FLOT1: variants seen among roughly 807,000 people sequenced by gnomAD.
FLOT1 encodes flotillin 1, also known as flotillin-1.
In FLOT1, 40 loss-of-function variants were observed where a neutral mutation model predicts 58.4. The ratio of observed to expected loss-of-function variants is 0.69; its 90% CI spans 0.53 to 0.89. The LOEUF (loss-of-function observed/expected upper bound fraction) is 0.89. FLOT1 is among the 40% of genes least tolerant of loss of function. FLOT1 has a pLI of 0.00. For missense variants in FLOT1, 423 were observed against 540.8 expected, an observed-to-expected ratio of 0.78 and a Z score of 2.16; for synonymous variants, 178 against 204.2, an observed-to-expected ratio of 0.87 and a Z score of 1.09.
In FLOT1 at chr6:30,740,183, T is replaced by C; in HGVS notation, c.698A>G (p.Gln233Arg). 6.2e-7 allele frequency: 1 copy of C among 1,613,084 alleles called. No individual in the cohort carries two copies. The highest frequency in any genetic ancestry group is 8.5e-7 in the Non-Finnish European group (1 of 1,180,036). Reference sequence around the variant, plus strand: ...CTGAAGCTGATAGGCCAGGTCAGCCTGTGCTCGGCGGGTGTTGACCTCGAT... The same window carrying C: ...CTGAAGCTGATAGGCCAGGTCAGCCCGTGCTCGGCGGGTGTTGACCTCGAT... ...YDIEVNTRRA[Q>R]ADLAYQLQVA... Residue 233 changes from glutamine to arginine, a missense_variant, in exon 8 of 13, where the codon CAG becomes CGG. Gln to Arg is a conservative substitution (Grantham distance 43, BLOSUM62 1). This residue lies in a region of FLOT1 where 137 missense variants were observed against 194.6 expected (regional missense o/e 0.70). Coordinates refer to ENST00000376389, the MANE Select transcript of FLOT1 (RefSeq NM_005803.4).
Position 30,741,768 on chromosome 6 carries a change from T to C in FLOT1, c.119+24A>G. The C allele has an allele frequency of 1.2e-6, 2 of 1,612,102 alleles. No homozygotes were observed. Among genetic ancestry groups the C allele is most frequent in the South Asian group, 1.1e-5 (1 of 91,062 alleles). The stretch of plus-strand genomic sequence containing the variant: ...GAAAAAGAGAAAACGGAGGTCCCCC[T>C]TCCCTGGTTCCCTTCTTGCCTACCT... On this transcript the variant is annotated intron_variant, in intron 3 of 12. Transcript: ENST00000376389. This position sits in a 1 kb window ranked among gnomAD's most constrained non-coding sequence, Gnocchi z 5.9.
At position 30,741,489 on chromosome 6, in the gene FLOT1, G is replaced by A. The variant is rs1777975569; in HGVS notation, c.210+125C>T. 6 of 1,239,078 alleles carry A rather than the reference G, an allele frequency of 4.8e-6. No homozygotes were observed. Among genetic ancestry groups the A allele is most frequent in the Admixed American group, 3.7e-5 (2 of 54,370 alleles). The allele number at this position is 1,239,078 out of a possible 1,614,324, so 76.8% of individuals were successfully genotyped here. The stretch of plus-strand genomic sequence containing the variant: ...GTGCCTTGGGGTGCCTGGAAAAGAT[G>A]AGACTAGCAGAGGAACTTCTCTGCA... On this transcript the variant is annotated intron_variant, in intron 4 of 12. Transcript: ENST00000376389. This position sits in a 1 kb window ranked among gnomAD's most constrained non-coding sequence, Gnocchi z 5.9.
rs1202015753 is a variant in FLOT1, at chr6:30,730,408, T to TGC, written c.1089+18_1089+19dup. The TGC allele has an allele frequency of 6.5e-7, 1 of 1,544,740 alleles. No individual in the cohort carries two copies. Among genetic ancestry groups the TGC allele is most frequent in the Admixed American group, 2.0e-5 (1 of 49,964 alleles). On this transcript the variant is annotated intron_variant, in intron 11 of 12. Coordinates refer to ENST00000376389, the MANE Select transcript of FLOT1 (RefSeq NM_005803.4). ...CTGGTTCTATTTCCTCCTTTCTTGG[T>TGC]GCCCACATGACCTCCAGACCTGGGG... is the stretch of plus-strand genomic sequence containing the variant.
chr6:30,740,662 C>G lies in FLOT1; in HGVS notation c.474+17G>C. 6.2e-7 allele frequency: 1 copy of G among 1,612,950 alleles called. No individual in the cohort carries two copies. The highest frequency in any genetic ancestry group is 8.5e-7 in the Non-Finnish European group (1 of 1,180,018). On this transcript the variant is annotated intron_variant, in intron 6 of 12. Transcript: ENST00000376389. The stretch of plus-strand genomic sequence containing the variant: ...TGGGAGCAAGGAAGTGGGGAAGGAT[C>G]AATTGCCTAGTTTTACCTGGTCATC...
intron 12 of FLOT1, among the ~76,000 whole-genome samples, chr6:30,729,007 T>C (rs1329877443): frequency 6.6e-6 from 1 of 151,522 alleles, no homozygotes; most frequent in Non-Finnish European, 1.5e-5. Flanking sequence ...CTCAATCTCC[T>C]GACCTCGTGA....
intron 8 of FLOT1, among the ~76,000 whole-genome samples, chr6:30,734,435 A>G (rs1777424038): frequency 6.6e-6 from 1 of 151,066 alleles, no homozygotes; most frequent in Admixed American, 6.6e-5. Flanking sequence ...CAGCCTCCCG[A>G]GTAGCTGGGA....
chr6:30,727,927 T>C lies in FLOT1; in HGVS notation c.*189A>G, dbSNP rs1009760172. ...ATGGGACCGCTGGAGTTGGCAATCA[T>C]AGCAGTGTGAGGTTGGCAAGGGGAG... is the stretch of plus-strand genomic sequence containing the variant. On this transcript the variant is annotated 3_prime_UTR_variant, in exon 13 of 13. Coordinates refer to ENST00000376389, the MANE Select transcript of FLOT1 (RefSeq NM_005803.4). 6 of 646,518 alleles carry C rather than the reference T, an allele frequency of 9.3e-6. No individual in the cohort carries two copies. The highest frequency in any genetic ancestry group is 1.7e-5 in the Non-Finnish European group (6 of 354,630). The allele number at this position is 646,518 out of a possible 1,614,324, so 40.0% of individuals were successfully genotyped here. A position where few individuals can be genotyped will look rare whatever the true frequency, so the allele number is the denominator to read the frequency against.
chr6:30,739,795 G>A (rs1052155801), intron 8 of FLOT1, among the ~76,000 whole-genome samples: 1 of 152,130 alleles, frequency 6.6e-6, no homozygotes, highest in African/African-American at 2.4e-5. Flanking sequence ...CCAAGTAGCT[G>A]TGACTACAGG....
chr6:30,728,136 T>G lies in FLOT1; in HGVS notation c.1264A>C (p.Lys422Gln), dbSNP rs1207081385. The G allele has an allele frequency of 1.4e-5, 23 of 1,612,868 alleles. No homozygotes were observed. Among genetic ancestry groups the G allele is most frequent in the Non-Finnish European group, 1.9e-5 (22 of 1,179,998 alleles). The change falls in exon 13 of 13, where the codon AAG (lysine) becomes CAG (glutamine). Residue 422 changes from lysine to glutamine, a missense_variant. Lys to Gln is a moderately conservative substitution (Grantham distance 53). Around this residue, in one of 6 missense-constraint regions of FLOT1, gnomAD observed 44 missense variants for 40.3 expected, o/e 1.09. Coordinates refer to ENST00000376389, the MANE Select transcript of FLOT1 (RefSeq NM_005803.4). ...AAGGCTCAGGCTGTTCTCAAAGGCTTGTGATTCACCTGGCAAAAAGACAAC... is the reference window on the plus strand; with the variant it reads ...AAGGCTCAGGCTGTTCTCAAAGGCTGGTGATTCACCTGGCAAAAAGACAAC... ...TGVSISQVNH[K>Q]PLRTA is the part of the protein sequence containing the mutation.
chr6:30,736,385 T>C lies in FLOT1; in HGVS notation c.723+3773A>G, dbSNP rs552000171. ...AATCTGTAACTGACTGAACAATCAA[T>C]TGAGATAACTCACTACCTTTGGACA... On this transcript the variant is annotated intron_variant, in intron 8 of 12. Transcript: ENST00000376389. 2.0e-4 allele frequency: 31 copies of C among 151,508 alleles called. 1 individual carries two copies. Among genetic ancestry groups the C allele is most frequent in the African/African-American group, 7.5e-4 (31 of 41,356 alleles). The allele number at this position is 151,508 out of a possible 1,614,324, so 9.4% of individuals were successfully genotyped here.
chr6:30,742,545 C>T lies in FLOT1; in HGVS notation c.-33G>A, dbSNP rs1191448293. The stretch of plus-strand genomic sequence containing the variant: ...CACTCACCTTCCGGGACGCGGGCGG[C>T]AGCCCGGCTGGGGTCTCGGGAAGGG... On this transcript the variant is annotated 5_prime_UTR_variant, in exon 1 of 13. Coordinates refer to ENST00000376389, the MANE Select transcript of FLOT1 (RefSeq NM_005803.4). This position sits in a 1 kb window ranked among gnomAD's most constrained non-coding sequence, Gnocchi z 5.2. 2.6e-5 allele frequency: 8 copies of T among 305,118 alleles called. No homozygotes were observed. The South Asian group carries it at 3.1e-4, about 12-fold the overall frequency. 18.9% of individuals were successfully genotyped at this position (305,118 alleles called of 1,614,324 possible). A position where few individuals can be genotyped will look rare whatever the true frequency, so the allele number is the denominator to read the frequency against.
Position 30,741,560 on chromosome 6 carries a change from G to T in FLOT1, c.210+54C>A. 2 of 1,405,560 alleles carry T rather than the reference G, an allele frequency of 1.4e-6. No homozygotes were observed. The highest frequency in any genetic ancestry group is 1.0e-6 in the Non-Finnish European group (1 of 991,692). The allele number at this position is 1,405,560 out of a possible 1,614,324, so 87.1% of individuals were successfully genotyped here. ...TGGCCAGAAGATGTCTTAATGTCTG[G>T]GAGAGAGGGTGATGGGGAAGTGGAC... On this transcript the variant is annotated intron_variant, in intron 4 of 12. Transcript: ENST00000376389. This position sits in a 1 kb window ranked among gnomAD's most constrained non-coding sequence, Gnocchi z 5.9.
intron 12 of FLOT1, among the ~76,000 whole-genome samples, chr6:30,729,122 T>G (rs1462671586): frequency 6.6e-6 from 1 of 151,346 alleles, no homozygotes; most frequent in Non-Finnish European, 1.5e-5. Context: ...TCACCCAGGC[T>G]GGAGTGCAGT....
intron 8 of FLOT1, among the ~76,000 whole-genome samples, chr6:30,734,765 G>A (rs1777446868): frequency 6.6e-6 from 1 of 151,734 alleles, no homozygotes; most frequent in Non-Finnish European, 1.5e-5. Context: ...TGTTGCCCAG[G>A]CTGGAATGAA....
rs1165364958 is a variant in FLOT1 at position 30,741,813 on chromosome 6, G to A, written c.98C>T (p.Pro33Leu). ...MVAGGRVFVL[P>L]CIQQIQRISL... is the part of the protein sequence containing the mutation. Reference sequence around the variant, plus strand: ...CTACCTCTGGATCTGTTGGATGCAGGGCAGGACAAAGACACGCCCTCCAGC... The same window carrying A: ...CTACCTCTGGATCTGTTGGATGCAGAGCAGGACAAAGACACGCCCTCCAGC... The change falls in exon 3 of 13, where the codon CCC becomes CTC. Residue 33 changes from proline to leucine, a missense_variant. Physicochemically the swap from Pro to Leu is moderately conservative, Grantham distance 98. Around this residue, in one of 6 missense-constraint regions of FLOT1, gnomAD observed 91 missense variants for 118.3 expected, o/e 0.77. Transcript: ENST00000376389. The surrounding 1 kb of genome is among the most constrained non-coding windows in gnomAD (Gnocchi z 5.9). 3 of 1,613,010 alleles carry A rather than the reference G, an allele frequency of 1.9e-6. No individual in the cohort carries two copies. The highest frequency in any genetic ancestry group is 2.5e-6 in the Non-Finnish European group (3 of 1,180,010).
Position 30,741,662 on chromosome 6 carries a change from C to G in FLOT1, c.162G>C (p.Lys54Asn). Residue 54 changes from lysine to asparagine, a missense_variant, in exon 4 of 13, where the codon AAG becomes AAC. Lys to Asn is a moderately conservative substitution (Grantham distance 94). Coordinates refer to ENST00000376389, the MANE Select transcript of FLOT1 (RefSeq NM_005803.4). The surrounding 1 kb of genome is among the most constrained non-coding windows in gnomAD (Gnocchi z 5.9). ...NTLTLNVKSE[K>N]VYTRHGVPIS... ...TGGGGACCCCATGGCGAGTGTAAACCTTTTCACTCTTGACATTGAGGGTCA... is the reference window on the plus strand; with the variant it reads ...TGGGGACCCCATGGCGAGTGTAAACGTTTTCACTCTTGACATTGAGGGTCA... 6.2e-7 allele frequency: 1 copy of G among 1,612,844 alleles called. No homozygotes were observed. The highest frequency in any genetic ancestry group is 8.5e-7 in the Non-Finnish European group (1 of 1,179,932).
intron 8 of FLOT1, among the ~76,000 whole-genome samples, chr6:30,738,837 A>C (rs1426409413): frequency 2.6e-5 from 4 of 152,170 alleles, no homozygotes; most frequent in Non-Finnish European, 5.9e-5. Context: ...AAAATGCAAA[A>C]AACACGGCAG....
chr6:30,733,346 T>C (rs1777331994), intron 8 of FLOT1, among the ~76,000 whole-genome samples: 3 of 152,184 alleles, frequency 2.0e-5, no homozygotes, highest in Admixed American at 2.0e-4. Context: ...TCTACCCTTC[T>C]ATTTTAATAC....
chr6:30,735,499 T>G (rs1777504054), intron 8 of FLOT1, among the ~76,000 whole-genome samples: 1 of 151,120 alleles, frequency 6.6e-6, no homozygotes, highest in African/African-American at 2.4e-5. Context: ...GGTGGGCACT[T>G]GTAATCCCAG....
Sources: allele counts gnomAD v4.1 joint callset (sites outside exome capture counted in the v4.1 genomes callset), GRCh38; gene constraint gnomAD v4.1.1; regional missense constraint gnomAD v4.1.1; non-coding constraint Gnocchi (gnomAD v3.1); transcripts MANE v1.5; gene names NCBI Gene and HGNC (gene_info 2026-07-23, HGNC 2026-07-21).